Variants in BRI3 observed in about 807,000 individuals in gnomAD.
BRI3 encodes membrane protein BRI3.
A neutral mutation model predicts 12.8 loss-of-function variants in BRI3; 6 were observed. The observed-to-expected ratio is 0.47, with a 90% CI of 0.26 to 0.93. The LOEUF is 0.93. Ranked by LOEUF, BRI3 falls within the 40% of genes least tolerant of loss-of-function variation. The pLI is 0.15. For missense variants in BRI3, 134 were observed against 171.1 expected (o/e 0.78, Z 1.21); for synonymous variants, 91 against 76.1 (o/e 1.20, Z -1.02).
At chr7:98,308,020 C>A (rs760980254) in exon 2 of BRI3, 1 of 919,742 alleles carries the variant, frequency 1.1e-6, no homozygotes, top group Non-Finnish European at 1.8e-6. Context: ...TCCACGGAAA[C>A]TGACCCTGTC....
At chr7:98,307,949 G>T in exon 2 of BRI3, 1 of 1,534,674 alleles carries the variant, frequency 6.5e-7, no homozygotes, top group South Asian at 1.1e-5. Flanking sequence ...GAATCAATAG[G>T]CACATTCCAA....
the BRI3 span, among the ~76,000 whole-genome samples, chr7:98,319,740 G>A: frequency 6.6e-6 from 1 of 152,008 alleles, no homozygotes; most frequent in African/African-American, 2.4e-5. Context: ...GAGTAGAGAT[G>A]GGGTTTCACT....
downstream of BRI3, chr7:98,292,714 C>G: frequency 6.4e-7 from 1 of 1,551,554 alleles, no homozygotes; most frequent in Non-Finnish European, 8.7e-7. Flanking sequence ...AAACCAGGAC[C>G]CCGAGCAGTT....
At chr7:98,301,911 G>A (rs947585831), upstream of BRI3, among the ~76,000 whole-genome samples, 2 of 152,292 alleles carry the variant, frequency 1.3e-5, no homozygotes, top group African/African-American at 2.4e-5. Flanking sequence ...AGGGCACCAG[G>A]TCACCCCCTG....
At chr7:98,283,884 G>GC (rs1562956310) in intron 2 of BRI3, among the ~76,000 whole-genome samples, 1 of 152,036 alleles carries the variant, frequency 6.6e-6, no homozygotes, top group African/African-American at 2.4e-5. Context: ...CGAGGGATGG[G>GC]CCAGATATCC....
At chr7:98,284,798 G>A (rs928226605) in intron 2 of BRI3, among the ~76,000 whole-genome samples, 2 of 152,178 alleles carry the variant, frequency 1.3e-5, no homozygotes, top group Non-Finnish European at 2.9e-5. Context: ...AAGCATTTCC[G>A]CAGCCTGGCG....
At chr7:98,308,042 C>T in exon 2 of BRI3, 1 of 802,530 alleles carries the variant, frequency 1.2e-6, no homozygotes, top group Non-Finnish European at 2.1e-6. Flanking sequence ...TATTTCCTCG[C>T]TTTGATCATT....
At chr7:98,292,782 G>T, downstream of BRI3, 1 of 1,546,528 alleles carries the variant, frequency 6.5e-7, no homozygotes, top group South Asian at 1.2e-5. Flanking sequence ...AACACAAGGA[G>T]CCGTGACTCC....
chr7:98,315,477 G>A, the BRI3 span: 20 of 1,496,108 alleles, frequency 1.3e-5, no homozygotes, highest in Admixed American at 2.2e-5. Flanking sequence ...TGATAATAAT[G>A]TATGTGGTTT....
At chr7:98,304,276 C>G, upstream of BRI3, 1 of 1,613,570 alleles carries the variant, frequency 6.2e-7, no homozygotes, top group Admixed American at 1.7e-5. Flanking sequence ...CTGTCGGCAG[C>G]TGCCCCCATG....
At chr7:98,297,945 T>C (rs1800258346), downstream of BRI3, among the ~76,000 whole-genome samples, 2 of 152,188 alleles carry the variant, frequency 1.3e-5, no homozygotes, top group Admixed American at 1.3e-4. Context: ...ATTAAAAAAA[T>C]TCAGGCCGGG....
Position 98,281,746 on chromosome 7 carries a change from G to GGGCC in BRI3, c.-48_-45dup, listed in dbSNP as rs1799521770. On this transcript the variant is annotated 5_prime_UTR_variant, in exon 1 of 3. Coordinates refer to ENST00000297290, the MANE Select transcript of BRI3 (RefSeq NM_015379.5). ...GCCGCCGCCGCCGCGTCCCCCGCCG[G>GGGCC]GGCCGACCGAGCCGAGCCGGGCCGG... The GGGCC allele has an allele frequency of 1.0e-6, 1 of 955,494 alleles. No homozygotes were observed. Among genetic ancestry groups the GGGCC allele is most frequent in the Non-Finnish European group, 1.2e-6 (1 of 800,828 alleles). The allele number at this position is 955,494 out of a possible 1,614,324, so 59.2% of individuals were successfully genotyped here.
chr7:98,307,614 A>G, exon 2 of BRI3: 1 of 1,584,404 alleles, frequency 6.3e-7, no homozygotes. Flanking sequence ...GTCCACGAAG[A>G]CAGTTTGCAG....
chr7:98,287,454 G>A (rs140496184), intron 2 of BRI3, among the ~76,000 whole-genome samples: 40 of 152,316 alleles, frequency 2.6e-4, no homozygotes, highest in African/African-American at 7.0e-4. Flanking sequence ...CTGGGAGGCC[G>A]TGGGGTCAGC....
upstream of BRI3, among the ~76,000 whole-genome samples, chr7:98,301,580 G>T (rs1289076441): frequency 1.3e-5 from 2 of 151,914 alleles, no homozygotes; most frequent in Non-Finnish European, 2.9e-5. Flanking sequence ...GACTCCCAAA[G>T]TGCTGGGATT....
At chr7:98,317,606 GTC>G in the BRI3 span, among the ~76,000 whole-genome samples, 4 of 150,480 alleles carry the variant, frequency 2.7e-5, no homozygotes, top group African/African-American at 4.9e-5. Context: ...AGTTCACACC[GTC>G]TGCATGCTGG....
intron 2 of BRI3, among the ~76,000 whole-genome samples, chr7:98,290,154 A>G (rs1799856658): frequency 6.7e-6 from 1 of 148,816 alleles, no homozygotes; most frequent in African/African-American, 2.5e-5. Flanking sequence ...GGCTTGTGGC[A>G]CCAAAATGAT....
chr7:98,293,507 C>A (rs1259112239), downstream of BRI3: 11 of 1,610,768 alleles, frequency 6.8e-6, no homozygotes, highest in Non-Finnish European at 8.5e-7. Context: ...CCGGGAGAGT[C>A]CTTGGCTGTC....
chr7:98,293,672 G>A (rs117176414), downstream of BRI3: 3,374 of 1,429,922 alleles, frequency 2.4e-3, 15 homozygotes, highest in Middle Eastern at 3.7e-3. Flanking sequence ...CTAATAACCC[G>A]TTCTTGCCCT....
Sources: gnomAD v4.1 joint callset for allele counts (sites outside exome capture counted in the v4.1 genomes callset) on GRCh38, gnomAD v4.1.1 for gene constraint, MANE v1.5 for transcripts, NCBI Gene and HGNC (gene_info 2026-07-23, HGNC 2026-07-21) for gene names.